The following CADM2 variants were observed in gnomAD, a reference collection of about 807,000 sequenced individuals.
CADM2 encodes the protein immunoglobulin superfamily member 4D.
CADM2 carries 12 observed loss-of-function variants against 49.8 expected under a neutral mutation model. The observed-to-expected ratio is 0.24, with a 90% confidence interval of 0.15 to 0.39. The LOEUF (loss-of-function observed/expected upper bound fraction) is 0.39, where lower values mean the gene tolerates loss of function less well. CADM2 is among the 10% of genes least tolerant of loss of function. CADM2 has a pLI of 1.00. For synonymous variants in CADM2, 214 were observed against 175.4 expected (o/e 1.22, Z -1.74); for missense variants, 378 against 492.3 (o/e 0.77, Z 2.20).
At chr3:85,031,971 C>T (rs1177273509) in intron 1 of CADM2, among the ~76,000 whole-genome samples, 1 of 152,056 alleles carries the variant, frequency 6.6e-6, no homozygotes, top group East Asian at 1.9e-4. Flanking sequence ...AAGACTGTAT[C>T]TCATGTCTTG....
At chr3:85,544,479 A>G (rs2107068329) in intron 1 of CADM2, among the ~76,000 whole-genome samples, 1 of 152,316 alleles carries the variant, frequency 6.6e-6, no homozygotes, top group African/African-American at 2.4e-5. Context: ...GGGGAGGCTG[A>G]GGCGGGTGAA....
intron 1 of CADM2, among the ~76,000 whole-genome samples, chr3:85,414,293 G>A (rs6781515): frequency 0.87 from 131,935 of 152,212 alleles, 57,317 homozygotes; most frequent in East Asian, 0.95. Flanking sequence ...CAAAGACTCC[G>A]AAAAGAGACA....
intron 3 of CADM2, among the ~76,000 whole-genome samples, chr3:85,847,307 T>G (rs912931906): frequency 6.6e-6 from 1 of 152,208 alleles, no homozygotes; most frequent in African/African-American, 2.4e-5. Flanking sequence ...TTTCCATTAA[T>G]TTGGTATCTG....
intron 1 of CADM2, among the ~76,000 whole-genome samples, chr3:85,083,303 A>G (rs2037242610): frequency 6.6e-6 from 1 of 152,112 alleles, no homozygotes; most frequent in Admixed American, 6.6e-5. Context: ...GAAAAAGGGG[A>G]GCTCTAACCT....
chr3:86,001,828 AATATACAAATCTGGAGCT>A (rs1310742144), intron 8 of CADM2, among the ~76,000 whole-genome samples: 1 of 152,120 alleles, frequency 6.6e-6, no homozygotes, highest in Non-Finnish European at 1.5e-5. Context: ...TAAAGAGAAA[AATATACAAATCTGGAGCT>A]ATGAATTTGG....
chr3:85,726,553 G>A lies in CADM2; in HGVS notation c.88+5G>A. 1.9e-6 allele frequency: 3 copies of A among 1,610,330 alleles called. No homozygotes were observed. Among genetic ancestry groups the A allele is most frequent in the South Asian group, 2.2e-5 (2 of 90,974 alleles). The stretch of plus-strand genomic sequence containing the variant: ...CTTCAAAGAATAAAGTTAAAGGTGA[G>A]CTCCTGTTTATTCTGCATGAGTCAT... On this transcript the variant is annotated splice_donor_5th_base_variant and intron_variant, in intron 2 of 9. Coordinates refer to ENST00000383699, the MANE Select transcript of CADM2 (RefSeq NM_001167675.2).
intron 2 of CADM2, among the ~76,000 whole-genome samples, chr3:85,727,521 C>T (rs1467067866): frequency 6.6e-6 from 1 of 152,102 alleles, no homozygotes; most frequent in Non-Finnish European, 1.5e-5. Context: ...GGAAAATCAG[C>T]CAATCCTTGC....
intron 3 of CADM2, among the ~76,000 whole-genome samples, chr3:85,819,005 G>T (rs1020859707): frequency 2.0e-5 from 3 of 151,978 alleles, no homozygotes; most frequent in African/African-American, 7.3e-5. Context: ...GCCAGTAGTG[G>T]CTCAGTCTGA....
intron 3 of CADM2, among the ~76,000 whole-genome samples, chr3:85,838,978 T>G (rs2074520725): frequency 6.6e-6 from 1 of 151,862 alleles, no homozygotes; most frequent in East Asian, 1.9e-4. Context: ...TAGCCTGACC[T>G]ACTGAATCAG....
intron 3 of CADM2, among the ~76,000 whole-genome samples, chr3:85,850,706 T>C (rs912140749): frequency 6.6e-6 from 1 of 152,200 alleles, no homozygotes; most frequent in East Asian, 1.9e-4. Flanking sequence ...TGGGTATCTG[T>C]TATCTCTGAG....
At chr3:85,900,374 C>G (rs1715946863) in intron 5 of CADM2, among the ~76,000 whole-genome samples, 1 of 151,970 alleles carries the variant, frequency 6.6e-6, no homozygotes, top group Non-Finnish European at 1.5e-5. Flanking sequence ...ACATCCATAC[C>G]TATTTTGACA....
intron 1 of CADM2, among the ~76,000 whole-genome samples, chr3:85,420,768 T>C (rs2036134428): frequency 6.6e-6 from 1 of 152,190 alleles, no homozygotes; most frequent in Non-Finnish European, 1.5e-5. Flanking sequence ...TACGGTTAAA[T>C]ATAAGGATGA....
At chr3:85,294,053 C>T (rs2043881503) in intron 1 of CADM2, among the ~76,000 whole-genome samples, 1 of 151,432 alleles carries the variant, frequency 6.6e-6, no homozygotes, top group Non-Finnish European at 1.5e-5. Context: ...TTGTCTCAGC[C>T]CAACATCTTC....
chr3:85,760,287 A>G (rs1325054464), intron 2 of CADM2, among the ~76,000 whole-genome samples: 1 of 152,036 alleles, frequency 6.6e-6, no homozygotes, highest in Non-Finnish European at 1.5e-5. Context: ...TAACTTGCAC[A>G]GCAAGTTACT....
intron 3 of CADM2, among the ~76,000 whole-genome samples, chr3:85,803,448 A>G (rs368991250): frequency 4.6e-5 from 7 of 152,236 alleles, no homozygotes; most frequent in African/African-American, 4.8e-5. Flanking sequence ...AGGAACTGTT[A>G]GGGGCCTCCA....
chr3:85,859,077 A>G (rs2075420615), intron 3 of CADM2, among the ~76,000 whole-genome samples: 1 of 152,160 alleles, frequency 6.6e-6, no homozygotes, highest in Non-Finnish European at 1.5e-5. Context: ...ATACTATTTG[A>G]GAAGTATAGA....
chr3:85,502,327 A>G (rs1000734528), intron 1 of CADM2, among the ~76,000 whole-genome samples: 6 of 152,144 alleles, frequency 3.9e-5, no homozygotes, highest in South Asian at 2.1e-4. Flanking sequence ...AAATTGCTCA[A>G]TTAGACTCTT....
intron 1 of CADM2, among the ~76,000 whole-genome samples, chr3:85,377,177 T>A (rs1460369711): frequency 6.6e-6 from 1 of 152,114 alleles, no homozygotes; most frequent in East Asian, 1.9e-4. Flanking sequence ...CCTTCTTTTG[T>A]TCATAAATGC....
chr3:85,286,895 C>T (rs1559759741), intron 1 of CADM2, among the ~76,000 whole-genome samples: 2 of 152,008 alleles, frequency 1.3e-5, no homozygotes, highest in Admixed American at 6.6e-5. Flanking sequence ...ATAATATATA[C>T]TTTAGTTATC....
Sources: allele counts gnomAD v4.1 joint callset (sites outside exome capture counted in the v4.1 genomes callset), GRCh38; gene constraint gnomAD v4.1.1; transcripts MANE v1.5; gene names NCBI Gene and HGNC (gene_info 2026-07-23, HGNC 2026-07-21).